The following PHF19 variants were observed in gnomAD, a reference collection of about 807,000 sequenced individuals.
PHF19 encodes the protein PHD finger protein 19.
PHF19 carries 21 observed loss-of-function variants against 79.8 expected under a neutral mutation model. The ratio of observed to expected loss-of-function variants is 0.26; its 90% CI spans 0.19 to 0.38. The LOEUF (loss-of-function observed/expected upper bound fraction) is 0.38. Among genes scored for constraint, PHF19 ranks in the 10% least tolerant of loss-of-function variants. The pLI is 1.00. For synonymous variants in PHF19, 273 were observed against 296.3 expected, an observed-to-expected ratio of 0.92 and a Z score of 0.81; for missense variants, 445 against 744.2, an observed-to-expected ratio of 0.60 and a Z score of 4.68.
rs1456852479 is a variant in PHF19, at chr9:120,856,768, T to G, written c.*1176A>C. The G allele has an allele frequency of 5.2e-5, 8 of 152,672 alleles. No homozygotes were observed. Among genetic ancestry groups the G allele is most frequent in the African/African-American group, 1.9e-4 (8 of 41,452 alleles). The allele number at this position is 152,672 out of a possible 1,614,324, so 9.5% of individuals were successfully genotyped here. On this transcript the variant is annotated 3_prime_UTR_variant, in exon 15 of 15. Transcript: ENST00000373896. The stretch of plus-strand genomic sequence containing the variant: ...CCATTTCAGGGCAGGGCAAGGGATA[T>G]GAAAGAGGGTGAGTCCCCTGTGCTT...
intron 3 of PHF19, among the ~76,000 whole-genome samples, chr9:120,873,557 A>T (rs1301704625): frequency 6.6e-6 from 1 of 152,188 alleles, no homozygotes; most frequent in Non-Finnish European, 1.5e-5. Flanking sequence ...TTTTATTCAT[A>T]TGTTAAATCA....
chr9:120,865,921 G>A (rs1343322071), intron 8 of PHF19, 91 bp from the exon 9 acceptor site: 1 of 1,593,784 alleles, frequency 6.3e-7, no homozygotes, highest in Non-Finnish European at 8.6e-7. Flanking sequence ...GAGAGACAGG[G>A]GCAGGGTTGG....
chr9:120,869,435 C>T lies in PHF19; in HGVS notation c.466-105G>A. 7.3e-7 allele frequency: 1 copy of T among 1,373,814 alleles called. No homozygotes were observed. Among genetic ancestry groups the T allele is most frequent in the South Asian group, 1.4e-5 (1 of 70,880 alleles). 85.1% of individuals were successfully genotyped at this position (1,373,814 alleles called of 1,614,324 possible). ...AAGTGCTGCCAGGGCTTGGGGGACC[C>T]GCAGATATTCCAATATAGTCAGAAA... is the stretch of plus-strand genomic sequence containing the variant. On this transcript the variant is annotated intron_variant, in intron 5 of 14. Transcript: ENST00000373896. The surrounding 1 kb of genome is among the most constrained non-coding windows in gnomAD (Gnocchi z 5.8).
At chr9:120,868,764 TC>T in intron 6 of PHF19, 1 of 851,658 alleles carries the variant, frequency 1.2e-6, no homozygotes, top group Non-Finnish European at 1.4e-6. Context: ...TATTCCCTCC[TC>T]CCCACCCCGC....
Position 120,857,302 on chromosome 9 carries a change from G to A in PHF19, c.*642C>T, listed in dbSNP as rs1217399987. 3 of 152,276 alleles carry A rather than the reference G, an allele frequency of 2.0e-5. No homozygotes were observed. Among genetic ancestry groups the A allele is most frequent in the Admixed American group, 6.5e-5 (1 of 15,280 alleles). The allele number at this position is 152,276 out of a possible 1,614,324, so 9.4% of individuals were successfully genotyped here. A position where few individuals can be genotyped will look rare whatever the true frequency, so the allele number is the denominator to read the frequency against. ...TCAGCCTTAATACCTGGGCCCTGGT[G>A]CTGGTGCCTTCTGAGGCAGACCCAG... is the stretch of plus-strand genomic sequence containing the variant. On this transcript the variant is annotated 3_prime_UTR_variant, in exon 15 of 15. Coordinates refer to ENST00000373896, the MANE Select transcript of PHF19 (RefSeq NM_015651.3).
Position 120,870,353 on chromosome 9 carries a change from C to T in PHF19, c.364+90G>A. 2.5e-6 allele frequency: 2 copies of T among 798,150 alleles called. No homozygotes were observed. The highest frequency in any genetic ancestry group is 4.3e-6 in the Non-Finnish European group (2 of 465,062). The allele number at this position is 798,150 out of a possible 1,614,324, so 49.4% of individuals were successfully genotyped here. A position where few individuals can be genotyped will look rare whatever the true frequency, so the allele number is the denominator to read the frequency against. Reference sequence around the variant, plus strand: ...AAGAGAAACAGGAAGCCAGCTGAGGCCCCAACAGGCTGCAGCAGTACCCGT... The same window carrying T: ...AAGAGAAACAGGAAGCCAGCTGAGGTCCCAACAGGCTGCAGCAGTACCCGT... On this transcript the variant is annotated intron_variant, in intron 4 of 14. Transcript: ENST00000373896. This position sits in a 1 kb window ranked among gnomAD's most constrained non-coding sequence, Gnocchi z 4.4.
chr9:120,871,731 T>C (rs541368575), intron 3 of PHF19, among the ~76,000 whole-genome samples: 18 of 152,242 alleles, frequency 1.2e-4, no homozygotes, highest in Non-Finnish European at 2.2e-4. Flanking sequence ...GCTGAAAATT[T>C]TGTAAGGGTA....
chr9:120,892,985 C>T (rs1488665959), intron 1 of PHF19, among the ~76,000 whole-genome samples: 4 of 152,144 alleles, frequency 2.6e-5, no homozygotes, highest in Non-Finnish European at 2.9e-5. Flanking sequence ...CGACTGGGAC[C>T]TTAGCCAAGC....
intron 1 of PHF19, chr9:120,894,649 GC>G: frequency 3.3e-6 from 1 of 304,162 alleles, no homozygotes; most frequent in South Asian, 1.5e-4. Context: ...GCGCCTGCGA[GC>G]CAGGGCAGCC....
At chr9:120,898,953 C>T (rs999635963), upstream of PHF19, among the ~76,000 whole-genome samples, 2 of 152,148 alleles carry the variant, frequency 1.3e-5, no homozygotes, top group Non-Finnish European at 2.9e-5. Flanking sequence ...AATCCCAGCA[C>T]TTTGGGAGGC....
chr9:120,899,152 TTG>T (rs1390661729), upstream of PHF19, among the ~76,000 whole-genome samples: 2 of 149,616 alleles, frequency 1.3e-5, no homozygotes, highest in Non-Finnish European at 1.5e-5. Context: ...TGAGCCAAGA[TTG>T]GACCACTGCA....
At position 120,866,138 on chromosome 9, in the gene PHF19, C is replaced by A; in HGVS notation, c.711-42G>T. On this transcript the variant is annotated intron_variant, in intron 7 of 14. Coordinates refer to ENST00000373896, the MANE Select transcript of PHF19 (RefSeq NM_015651.3). The surrounding 1 kb of genome is among the most constrained non-coding windows in gnomAD (Gnocchi z 5.2). ...ACGGGGGCCTATGGTGGGAGGGGCT[C>A]TGACACCCCCACCCCAGTCCAGCCC... 1 of 1,367,000 alleles carries A rather than the reference C, an allele frequency of 7.3e-7. No individual in the cohort carries two copies. The highest frequency in any genetic ancestry group is 1.0e-6 in the Non-Finnish European group (1 of 954,882). The allele number at this position is 1,367,000 out of a possible 1,614,324, so 84.7% of individuals were successfully genotyped here.
At chr9:120,898,459 T>C (rs1164179257), upstream of PHF19, among the ~76,000 whole-genome samples, 2 of 152,242 alleles carry the variant, frequency 1.3e-5, no homozygotes, top group Non-Finnish European at 2.9e-5. Flanking sequence ...AAATAATACT[T>C]TCCTCTGAGG....
At chr9:120,890,782 G>A (rs1294510312) in intron 1 of PHF19, among the ~76,000 whole-genome samples, 1 of 151,982 alleles carries the variant, frequency 6.6e-6, no homozygotes. Flanking sequence ...GCCCTCCTTG[G>A]TAACCCCAGC....
chr9:120,893,189 A>T (rs937443974), intron 1 of PHF19, among the ~76,000 whole-genome samples: 8 of 152,184 alleles, frequency 5.3e-5, no homozygotes, highest in Non-Finnish European at 8.8e-5. Flanking sequence ...TTGTTAAATG[A>T]CTTAGTAAAG....
upstream of PHF19, among the ~76,000 whole-genome samples, chr9:120,880,173 T>G (rs1335789587): frequency 6.6e-6 from 1 of 152,190 alleles, no homozygotes; most frequent in Non-Finnish European, 1.5e-5. Context: ...TTGTGAAAAT[T>G]TAGAAATTAA....
upstream of PHF19, among the ~76,000 whole-genome samples, chr9:120,897,281 AAC>A (rs2046410880): frequency 6.6e-6 from 1 of 152,228 alleles, no homozygotes; most frequent in African/African-American, 2.4e-5. Context: ...TGCTAAAAAT[AAC>A]AGTCACGTCT....
chr9:120,877,260 G>A (rs1158830064), upstream of PHF19: 1 of 897,218 alleles, frequency 1.1e-6, no homozygotes, highest in Non-Finnish European at 1.3e-6. Context: ...GGGAGGAGGG[G>A]GAGGCGGCGG....
chr9:120,884,636 G>A (rs902774589), intron 1 of PHF19, among the ~76,000 whole-genome samples: 5 of 152,088 alleles, frequency 3.3e-5, no homozygotes, highest in Non-Finnish European at 5.9e-5. Flanking sequence ...GTCTGGGCAC[G>A]GTGGCTCACA....
Sources: allele counts gnomAD v4.1 joint callset (sites outside exome capture counted in the v4.1 genomes callset), GRCh38; gene constraint gnomAD v4.1.1; non-coding constraint Gnocchi (gnomAD v3.1); transcripts MANE v1.5; gene names NCBI Gene and HGNC (gene_info 2026-07-23, HGNC 2026-07-21).